ATP10A: variants seen among roughly 807,000 people sequenced by gnomAD.
The protein encoded by ATP10A is phospholipid-transporting ATPase VA.
Under a neutral mutation model 147.8 loss-of-function variants are expected in ATP10A, and 111 were observed. That is an observed-to-expected ratio of 0.75 (90% CI 0.64 to 0.88). The LOEUF (loss-of-function observed/expected upper bound fraction) is 0.88. ATP10A is among the 40% of genes least tolerant of loss of function. The pLI is 0.00. For missense variants in ATP10A, 1,927 were observed against 1,959.0 expected, an observed-to-expected ratio of 0.98 and a Z score of 0.31; for synonymous variants, 875 against 841.6, an observed-to-expected ratio of 1.04 and a Z score of -0.69.
chr15:25,683,816 G>A (rs1567297950), intron 16 of ATP10A: 3 of 344,644 alleles, frequency 8.7e-6, no homozygotes, highest in Non-Finnish European at 1.6e-5. Context: ...GGTTTCACAG[G>A]GGTGTAGGGC....
Position 25,735,216 on chromosome 15 carries a change from T to C in ATP10A, c.740+840A>G, listed in dbSNP as rs571042855. On this transcript the variant is annotated intron_variant, in intron 3 of 20. Coordinates refer to ENST00000555815, the MANE Select transcript of ATP10A (RefSeq NM_024490.4). ...AGAGCTTGAGGGCAGAGGAAGGTCA[T>C]GTGCGTCATGCCCCTGTCACAGCCT... Among the ~76,000 whole-genome samples the C allele has an allele frequency of 1.4e-4, 21 of 152,282 alleles. 1 individual carries two copies. The highest frequency in any genetic ancestry group is 4.3e-4 in the African/African-American group (18 of 41,560).
chr15:25,855,813 A>G (rs1041390229), intron 1 of ATP10A, among the ~76,000 whole-genome samples: 9 of 152,194 alleles, frequency 5.9e-5, no homozygotes, highest in Non-Finnish European at 2.9e-5. Flanking sequence ...GAAGCCACAA[A>G]ACAATTATTA....
At chr15:25,751,230 G>A (rs866177810) in intron 2 of ATP10A, among the ~76,000 whole-genome samples, 22 of 152,112 alleles carry the variant, frequency 1.4e-4, no homozygotes, top group Admixed American at 6.5e-4. Flanking sequence ...TTTATAAAAG[G>A]GCCAAAATGC....
intron 2 of ATP10A, among the ~76,000 whole-genome samples, chr15:25,764,729 C>A (rs1888935416): frequency 2.0e-5 from 3 of 152,180 alleles, no homozygotes; most frequent in Admixed American, 2.0e-4. Context: ...ATTCCCTTTC[C>A]AACAATCTGA....
chr15:25,789,801 C>T (rs1182366016), intron 1 of ATP10A, among the ~76,000 whole-genome samples: 1 of 151,984 alleles, frequency 6.6e-6, no homozygotes, highest in African/African-American at 2.4e-5. Context: ...CAGCTCTGGG[C>T]TCTGCACTTT....
rs567320676 is a variant in ATP10A at position 25,762,567 on chromosome 15, C to T, written c.654+18452G>A. 2.0e-5 allele frequency among the ~76,000 whole-genome samples: 3 copies of T among 152,164 alleles called. No homozygotes were observed. The South Asian group carries it at 6.2e-4, about 32-fold the overall frequency. The stretch of plus-strand genomic sequence containing the variant: ...AAGTGCTAGAATTACAGGCATGAGT[C>T]ACTGTGCCCAAGCCTATTTATTTAT... On this transcript the variant is annotated intron_variant, in intron 2 of 20. Transcript: ENST00000555815.
At position 25,841,019 on chromosome 15, in the gene ATP10A, T is replaced by G. The variant is rs1596985148; in HGVS notation, c.449+21629A>C. ...TTTGTTAATGTTCAATTTTGAGAGTTCTTTACGTATTCTAGATATTAGTGC... is the reference window on the plus strand; with the variant it reads ...TTTGTTAATGTTCAATTTTGAGAGTGCTTTACGTATTCTAGATATTAGTGC... On this transcript the variant is annotated intron_variant, in intron 1 of 20. Coordinates refer to ENST00000555815, the MANE Select transcript of ATP10A (RefSeq NM_024490.4). Among the ~76,000 whole-genome samples, 3 of 152,206 alleles carry G rather than the reference T, an allele frequency of 2.0e-5. No individual in the cohort carries two copies. In the East Asian group the frequency reaches 5.8e-4, roughly 29 times the overall value.
intron 3 of ATP10A, among the ~76,000 whole-genome samples, chr15:25,733,897 C>A (rs548426435): frequency 1.3e-5 from 2 of 152,228 alleles, no homozygotes; most frequent in Non-Finnish European, 2.9e-5. Context: ...ACAGGAGGAA[C>A]GCCTGCTGGC....
At chr15:25,697,872 A>G (rs1454838770) in intron 13 of ATP10A, among the ~76,000 whole-genome samples, 2 of 152,206 alleles carry the variant, frequency 1.3e-5, no homozygotes, top group African/African-American at 4.8e-5. Context: ...ATGGCACTTG[A>G]CCTCTGTGGC....
chr15:25,829,324 C>T (rs900121510), intron 1 of ATP10A, among the ~76,000 whole-genome samples: 1 of 152,134 alleles, frequency 6.6e-6, no homozygotes, highest in African/African-American at 2.4e-5. Flanking sequence ...GCTTTGCATC[C>T]ATTTCCCCTG....
intron 1 of ATP10A, among the ~76,000 whole-genome samples, chr15:25,832,749 C>T (rs550245806): frequency 1.0e-3 from 152 of 152,070 alleles, no homozygotes; most frequent in African/African-American, 3.5e-3. Flanking sequence ...TGTGGCATTC[C>T]GCAGCACTGC....
In ATP10A at chr15:25,701,946, CTCG is replaced by C. The variant is rs766034922; in HGVS notation, c.2727_2729del (p.Asp909del). 43 of 1,611,544 alleles carry C rather than the reference CTCG, an allele frequency of 2.7e-5. No homozygotes were observed. The highest frequency in any genetic ancestry group is 3.1e-5 in the Non-Finnish European group (36 of 1,178,804). On this transcript the variant is annotated inframe_deletion, in exon 13 of 21. Coordinates refer to ENST00000555815, the MANE Select transcript of ATP10A (RefSeq NM_024490.4). Reference sequence around the variant, plus strand: ...AGGTGGCATTCAGGGTGATGACCTCCTCGTCGTGGTCCAGCAGTTTGCAGGCAT... The same window carrying C: ...AGGTGGCATTCAGGGTGATGACCTCCTCGTGGTCCAGCAGTTTGCAGGCAT...
At chr15:25,841,648 G>C (rs1430440782) in intron 1 of ATP10A, 2 of 151,268 alleles carry the variant, frequency 1.3e-5, no homozygotes, top group Non-Finnish European at 2.9e-5. Flanking sequence ...TAATTATAGA[G>C]AAAACTGACT....
At chr15:25,853,013 G>A (rs11630247) in intron 1 of ATP10A, among the ~76,000 whole-genome samples, 69,979 of 152,082 alleles carry the variant, frequency 0.46, 19,847 homozygotes, top group Non-Finnish European at 0.6. Flanking sequence ...CTACAAGGGC[G>A]TTTTAATTGT....
chr15:25,852,717 C>G (rs574966408), intron 1 of ATP10A, among the ~76,000 whole-genome samples: 2 of 152,214 alleles, frequency 1.3e-5, no homozygotes, highest in Non-Finnish European at 2.9e-5. Flanking sequence ...ATGCAGGCCT[C>G]AAAGACTGTG....
At chr15:25,750,088 C>G (rs1888066414) in intron 2 of ATP10A, among the ~76,000 whole-genome samples, 1 of 151,732 alleles carries the variant, frequency 6.6e-6, no homozygotes, top group Non-Finnish European at 1.5e-5. Context: ...TTAATGAAAA[C>G]TATAAACCTA....
At chr15:25,762,428 C>T (rs771149618) in intron 2 of ATP10A, among the ~76,000 whole-genome samples, 129 of 152,200 alleles carry the variant, frequency 8.5e-4, no homozygotes, top group Non-Finnish European at 1.4e-3. Context: ...AGGAATGCAC[C>T]ACCACGCCCG....
intron 1 of ATP10A, among the ~76,000 whole-genome samples, chr15:25,836,498 A>G (rs1892601618): frequency 6.6e-6 from 1 of 152,112 alleles, no homozygotes; most frequent in African/African-American, 2.4e-5. Flanking sequence ...CAGGCTGAAC[A>G]CCAAAGCCAG....
At chr15:25,689,978 A>G (rs1243608519) in intron 15 of ATP10A, among the ~76,000 whole-genome samples, 1 of 152,266 alleles carries the variant, frequency 6.6e-6, no homozygotes, top group Admixed American at 6.5e-5. Flanking sequence ...GGAAACAGTG[A>G]AAACAGAAGC....
Sources: gnomAD v4.1 joint callset for allele counts (sites outside exome capture counted in the v4.1 genomes callset) on GRCh38, gnomAD v4.1.1 for gene constraint, MANE v1.5 for transcripts, NCBI Gene and HGNC (gene_info 2026-07-23, HGNC 2026-07-21) for gene names.